Variants in LARGE1 observed in about 807,000 individuals in gnomAD.
The protein encoded by LARGE1 is xylosyl- and glucuronyltransferase LARGE1.
LARGE1 carries 43 observed loss-of-function variants against 87.6 expected under a neutral mutation model. That is an observed-to-expected ratio of 0.49 (90% CI 0.38 to 0.63). LARGE1 has a LOEUF of 0.63. LARGE1 is among the 30% of genes least tolerant of loss of function. The pLI is 0.00. For missense variants in LARGE1, 802 were observed against 1,000.2 expected (o/e 0.80, Z 2.67); for synonymous variants, 434 against 394.6 (o/e 1.10, Z -1.18).
chr22:33,650,301 T>C (rs528370124), intron 3 of LARGE1, 66 bp downstream of exon 3: 2 of 1,593,284 alleles, frequency 1.3e-6, no homozygotes, highest in African/African-American at 2.7e-5. Flanking sequence ...CCAGGAGGCA[T>C]TTGCAAGGGG....
chr22:33,553,007 C>T (rs577273379), intron 6 of LARGE1, among the ~76,000 whole-genome samples: 15 of 152,180 alleles, frequency 9.9e-5, no homozygotes, highest in Admixed American at 2.0e-4. Context: ...CTGAGATACA[C>T]GGCCAGCTCT....
intron 5 of LARGE1, among the ~76,000 whole-genome samples, chr22:33,588,204 C>T (rs2078734474): frequency 6.6e-6 from 1 of 152,200 alleles, no homozygotes; most frequent in South Asian, 2.1e-4. Flanking sequence ...ACGTAGGCTC[C>T]ACACTGCAGT....
Position 33,283,331 on chromosome 22 carries a change from A to G in LARGE1, c.1748T>C (p.Leu583Pro). The G allele has an allele frequency of 6.2e-7, 1 of 1,614,178 alleles. No homozygotes were observed. The highest frequency in any genetic ancestry group is 8.5e-7 in the Non-Finnish European group (1 of 1,180,028). Reference protein sequence around the residue: ...YEYLRKSVIQLDLANTKKAMI... With the variant: ...YEYLRKSVIQPDLANTKKAMI... ...TGCTTTCTTGGTGTTGGCAAGATCG[A>G]GCTGGATGACAGACTTCCTGAAAAG... Residue 583 changes from leucine (L) to proline (P), a missense_variant, in exon 13 of 15, where the codon CTC becomes CCC. Physicochemically the swap from Leu to Pro is moderately conservative, Grantham distance 98. Transcript: ENST00000397394.
At chr22:33,289,394 G>A (rs1018903128) in intron 12 of LARGE1, among the ~76,000 whole-genome samples, 1 of 152,132 alleles carries the variant, frequency 6.6e-6, no homozygotes, top group Non-Finnish European at 1.5e-5. Context: ...CCTGACTTCA[G>A]GCCCATTCTG....
chr22:33,193,204 T>A (rs1386702198), intron 11 of LARGE1, among the ~76,000 whole-genome samples: 2 of 152,244 alleles, frequency 1.3e-5, no homozygotes, highest in East Asian at 3.9e-4. Flanking sequence ...AAGTATAGTT[T>A]AGTTAATTTC....
the LARGE1 span, among the ~76,000 whole-genome samples, chr22:33,151,383 T>C: frequency 6.6e-6 from 1 of 152,306 alleles, no homozygotes; most frequent in South Asian, 2.1e-4. Context: ...TAGACAATTA[T>C]GCCATCTGCA....
At chr22:33,717,776 C>T (rs1039509116) in intron 2 of LARGE1, among the ~76,000 whole-genome samples, 3 of 152,200 alleles carry the variant, frequency 2.0e-5, no homozygotes, top group African/African-American at 4.8e-5. Flanking sequence ...TAAAATCATA[C>T]AGAAAACCAC....
At chr22:33,428,217 C>G (rs1038180222) in intron 7 of LARGE1, among the ~76,000 whole-genome samples, 25 of 151,930 alleles carry the variant, frequency 1.6e-4, no homozygotes. Context: ...GGAGAAAGAC[C>G]AAGATTTACT....
At chr22:33,775,561 T>TG (rs917820612) in intron 1 of LARGE1, among the ~76,000 whole-genome samples, 30 of 152,204 alleles carry the variant, frequency 2.0e-4, no homozygotes, top group African/African-American at 6.5e-4. Flanking sequence ...TTATTAAGAC[T>TG]GGGGGGTTGG....
intron 9 of LARGE1, among the ~76,000 whole-genome samples, chr22:33,378,221 T>G (rs1261879415): frequency 6.6e-6 from 1 of 152,222 alleles, no homozygotes; most frequent in Non-Finnish European, 1.5e-5. Flanking sequence ...ATTTTTAATT[T>G]TTTTTCTTTC....
chr22:33,536,689 A>G (rs1033178761), intron 6 of LARGE1, among the ~76,000 whole-genome samples: 2 of 152,234 alleles, frequency 1.3e-5, no homozygotes, highest in Non-Finnish European at 2.9e-5. Context: ...TACCAGAAGG[A>G]GGTTTACCCG....
intron 12 of LARGE1, among the ~76,000 whole-genome samples, chr22:33,291,312 A>G (rs931717534): frequency 6.6e-6 from 1 of 152,322 alleles, no homozygotes; most frequent in South Asian, 2.1e-4. Context: ...GAGTCCCACA[A>G]TGGTCACGAT....
At chr22:33,391,910 T>C (rs2065542211) in intron 7 of LARGE1, among the ~76,000 whole-genome samples, 2 of 151,540 alleles carry the variant, frequency 1.3e-5, no homozygotes, top group Admixed American at 6.6e-5. Context: ...GCTGGGATTA[T>C]AGGTGCCCAC....
chr22:33,539,392 CT>C (rs1813229997), intron 6 of LARGE1, among the ~76,000 whole-genome samples: 1 of 152,172 alleles, frequency 6.6e-6, no homozygotes, highest in Non-Finnish European at 1.5e-5. Context: ...ACTGGATGTT[CT>C]TTTATTAAAG....
chr22:33,906,993 CAAGCAG>C lies in LARGE1; in HGVS notation c.-83+12996_-83+13001del, dbSNP rs567371619. Among the ~76,000 whole-genome samples, 385 of 151,838 alleles carry C rather than the reference CAAGCAG, an allele frequency of 2.5e-3. 1 individual carries two copies. The highest frequency in any genetic ancestry group is 4.3e-3 in the Non-Finnish European group (293 of 67,962). On this transcript the variant is annotated intron_variant, in intron 1 of 14. Transcript: ENST00000397394. ...TTTCCAAAGGAGTTATAGATAATTC[CAAGCAG>C]AAGAAAAAGGAAAATGGCAAAAGCT...
chr22:33,433,527 C>A (rs893665676), intron 6 of LARGE1, among the ~76,000 whole-genome samples: 2 of 138,478 alleles, frequency 1.4e-5, no homozygotes, highest in African/African-American at 5.4e-5. Flanking sequence ...ATCCGGAAGG[C>A]GGAGCTTGCA....
chr22:33,713,250 T>C (rs185826202), intron 2 of LARGE1, among the ~76,000 whole-genome samples: 83 of 152,126 alleles, frequency 5.5e-4, no homozygotes, highest in Non-Finnish European at 1.0e-3. Context: ...AAGGAATGGA[T>C]AGAGTTGGTT....
At chr22:33,280,954 T>A (rs73166227) in intron 13 of LARGE1, among the ~76,000 whole-genome samples, 1 of 152,314 alleles carries the variant, frequency 6.6e-6, no homozygotes, top group Non-Finnish European at 1.5e-5. Flanking sequence ...AAGCCACTGG[T>A]CCAGGGACCG....
chr22:33,373,972 C>CAAAAAAAAAAAAA (rs35830988), intron 9 of LARGE1, among the ~76,000 whole-genome samples: 1 of 59,536 alleles, frequency 1.7e-5, no homozygotes, highest in Non-Finnish European at 3.1e-5. Context: ...GACTCCGTCT[C>CAAAAAAAAAAAAA]AAAAAAAAAA....
Sources: allele counts gnomAD v4.1 joint callset (sites outside exome capture counted in the v4.1 genomes callset), GRCh38; gene constraint gnomAD v4.1.1; transcripts MANE v1.5; gene names NCBI Gene and HGNC (gene_info 2026-07-23, HGNC 2026-07-21).